WDR90: variants seen among roughly 807,000 people sequenced by gnomAD.
WDR90 encodes the protein WD repeat domain 90.
In WDR90, 238 loss-of-function variants were observed where a neutral mutation model predicts 195.2. That is an observed-to-expected ratio of 1.22 (90% CI 1.10 to 1.36). The LOEUF (loss-of-function observed/expected upper bound fraction) is 1.36, where lower values mean the gene tolerates loss of function less well. WDR90 is among the 40% of genes most tolerant of loss of function. The probability of loss-of-function intolerance (pLI) is 0.00; values close to 1 mark genes in which losing one functional copy is unlikely to be tolerated. For synonymous variants in WDR90, 1,265 were observed against 1,052.4 expected (o/e 1.20, Z -3.91); for missense variants, 2,734 against 2,439.5 (o/e 1.12, Z -2.54).
Position 649,374 on chromosome 16 carries a change from T to A in WDR90, c.-43T>A. On this transcript the variant is annotated 5_prime_UTR_variant, in exon 1 of 41. Transcript: ENST00000293879. ...TGGCGTCGCGGGGCGTACTCTGCGC[T>A]GGGCGCGCGGAGGCCTAGGCGGGAA... is the stretch of plus-strand genomic sequence containing the variant. The A allele has an allele frequency of 7.5e-7, 1 of 1,329,700 alleles. No homozygotes were observed. Among genetic ancestry groups the A allele is most frequent in the Non-Finnish European group, 9.6e-7 (1 of 1,041,978 alleles). The allele number at this position is 1,329,700 out of a possible 1,614,324, so 82.4% of individuals were successfully genotyped here.
intron 26 of WDR90, 68 bp downstream of exon 26, chr16:659,444 G>A: frequency 6.4e-7 from 1 of 1,550,962 alleles, no homozygotes; most frequent in Non-Finnish European, 8.7e-7. Context: ...CCCAGTGGCA[G>A]CAGGTACTCA....
At chr16:655,005 G>A (rs373358516) in intron 13 of WDR90, 24 bp from the exon 14 acceptor site, 48 of 1,607,892 alleles carry the variant, frequency 3.0e-5, no homozygotes, top group African/African-American at 1.9e-4. Context: ...CCTGCCGTGC[G>A]GGCTCAGCCT....
chr16:652,677 C>A (rs2072879), intron 10 of WDR90, 142 bp downstream of exon 10: 3 of 856,326 alleles, frequency 3.5e-6, no homozygotes, highest in Non-Finnish European at 4.8e-6. Context: ...CGGTCCCGTC[C>A]CCCTGCAGTC....
chr16:650,555 C>T lies in WDR90; in HGVS notation c.405C>T (p.Ala135=), dbSNP rs766415695. ...RTPQRDLVGL[A]PSGARWTCLQ... is the part of the protein sequence containing the mutation. ...ATCCTGCAGATCTGGTGGGTTTGGC[C>T]CCCTCCGGAGCCCGCTGGACCTGCC... Residue 135 remains alanine, a synonymous_variant, in exon 5 of 41, where the codon GCC becomes GCT. Coordinates refer to ENST00000293879, the MANE Select transcript of WDR90 (RefSeq NM_145294.5). 10 of 1,609,758 alleles carry T rather than the reference C, an allele frequency of 6.2e-6. No homozygotes were observed. The highest frequency in any genetic ancestry group is 1.3e-5 in the African/African-American group (1 of 74,780).
Position 667,557 on chromosome 16 carries a change from G to C in WDR90, c.5215G>C (p.Glu1739Gln), listed in dbSNP as rs185819489. The change falls in exon 41 of 41, where the codon GAG becomes CAG. Residue 1739 changes from glutamate to glutamine, a missense_variant. Glu to Gln is a conservative substitution (Grantham distance 29). Coordinates refer to ENST00000293879, the MANE Select transcript of WDR90 (RefSeq NM_145294.5). ...GCTGCTCTTCACGGCCGCCCGCAAC[G>C]AGATCCTTGTGTGGGAGGTCCCCGG... ...ARLLFTAARN[E>Q]ILVWEVPGL 15 of 1,610,812 alleles carry C rather than the reference G, an allele frequency of 9.3e-6. No individual in the cohort carries two copies. The highest frequency in any genetic ancestry group is 5.0e-5 in the Admixed American group (3 of 60,018).
Position 655,067 on chromosome 16 carries a change from T to G in WDR90, c.1476T>G (p.Gly492=). 1 of 1,612,720 alleles carries G rather than the reference T, an allele frequency of 6.2e-7. No individual in the cohort carries two copies. The highest frequency in any genetic ancestry group is 8.5e-7 in the Non-Finnish European group (1 of 1,179,848). ...GGGGCACCGGCCAGGTGGGCCTCGG[T>G]GGCGAGGTGGTCGTTCTGGCAAAGG... The part of the protein sequence containing the change: ...VAWGTGQVGL[G]GEVVVLAKAH... Residue 492 remains glycine, a synonymous_variant, in exon 14 of 41, where the codon GGT becomes GGG. Transcript: ENST00000293879.
intron 32 of WDR90, 53 bp from the exon 33 acceptor site, chr16:662,167 C>T: frequency 6.6e-7 from 1 of 1,521,212 alleles, no homozygotes; most frequent in African/African-American, 1.4e-5. Context: ...GCCTTGTGAC[C>T]CAGGGCCTCT....
chr16:665,983 T>C lies in WDR90; in HGVS notation c.4468T>C (p.Cys1490Arg). ...CLCLAWSPPC[C>R]GRPEQQRLAA... The stretch of plus-strand genomic sequence containing the variant: ...CTGCCTGGCATGGAGCCCCCCGTGC[T>C]GTGGCCGCCCTGAGCAGCAGCGGCT... The change falls in exon 36 of 41, where the codon TGT becomes CGT. Residue 1490 changes from cysteine to arginine, a missense_variant. Cys to Arg is a radical substitution (Grantham distance 180). Coordinates refer to ENST00000293879, the MANE Select transcript of WDR90 (RefSeq NM_145294.5). The C allele has an allele frequency of 6.2e-7, 1 of 1,602,146 alleles. No individual in the cohort carries two copies. Among genetic ancestry groups the C allele is most frequent in the Non-Finnish European group, 8.5e-7 (1 of 1,178,510 alleles).
In WDR90 at chr16:666,672, G is replaced by T. The variant is rs1367116048; in HGVS notation, c.4885-1G>T. 1 of 1,612,546 alleles carries T rather than the reference G, an allele frequency of 6.2e-7. No individual in the cohort carries two copies. The highest frequency in any genetic ancestry group is 8.5e-7 in the Non-Finnish European group (1 of 1,179,896). On this transcript the variant is annotated splice_acceptor_variant, in intron 38 of 40. Coordinates refer to ENST00000293879, the MANE Select transcript of WDR90 (RefSeq NM_145294.5). LOFTEE classifies it high-confidence loss of function. Reference sequence around the variant, plus strand: ...CACCGCAGCATGCTGCGCCTTTGCAGACTCAGGGCCACCTGCCACCCTCCC... The same window carrying T: ...CACCGCAGCATGCTGCGCCTTTGCATACTCAGGGCCACCTGCCACCCTCCC...
chr16:656,868 A>G lies in WDR90; in HGVS notation c.2339A>G (p.His780Arg), dbSNP rs2037767240. The change falls in exon 19 of 41, where the codon CAC (histidine) becomes CGC (arginine). Residue 780 changes from histidine to arginine, a missense_variant. Coordinates refer to ENST00000293879, the MANE Select transcript of WDR90 (RefSeq NM_145294.5). Reference sequence around the variant, plus strand: ...GAGGCCGCTGAGGTCCTGGTGGAACACACGTAAGTGCCCAGCTGGCCACCA... The same window carrying G: ...GAGGCCGCTGAGGTCCTGGTGGAACGCACGTAAGTGCCCAGCTGGCCACCA... ...SLEAAEVLVE[H>R]TCHRGAVTGL... The G allele has an allele frequency of 6.2e-7, 1 of 1,612,272 alleles. No homozygotes were observed. The highest frequency in any genetic ancestry group is 1.3e-5 in the African/African-American group (1 of 75,020).
chr16:660,746 C>G (rs1477772058), intron 28 of WDR90, 32 bp downstream of exon 28: 3 of 1,528,974 alleles, frequency 2.0e-6, no homozygotes, highest in African/African-American at 1.4e-5. Flanking sequence ...CCACCCCCAG[C>G]CAAGATGCGG....
chr16:651,514 G>T, intron 7 of WDR90, 130 bp from the exon 8 acceptor site: 1 of 1,052,788 alleles, frequency 9.5e-7, no homozygotes. Context: ...GTGGAAGTGG[G>T]GATACTGGCT....
At chr16:657,249 G>T (rs767320544) in intron 20 of WDR90, 28 bp downstream of exon 20, 1 of 1,524,978 alleles carries the variant, frequency 6.6e-7, no homozygotes, top group South Asian at 1.2e-5. Flanking sequence ...CACTCTGGGG[G>T]ACTCCTCAGG....
intron 34 of WDR90, among the ~76,000 whole-genome samples, chr16:664,431 A>G (rs1398531241): frequency 6.6e-6 from 1 of 152,108 alleles, no homozygotes. Context: ...CGGATAGATC[A>G]TGTGTGTGTC....
chr16:653,312 G>A, intron 10 of WDR90, 29 bp from the exon 11 acceptor site: 3 of 1,478,244 alleles, frequency 2.0e-6, no homozygotes, highest in Non-Finnish European at 2.7e-6. Context: ...CGTAGCACCG[G>A]TCCTCAGCCC....
rs1384275276 is a variant in WDR90 at position 649,396 on chromosome 16, G to A, written c.-21G>A. 7.6e-7 allele frequency: 1 copy of A among 1,321,392 alleles called. No individual in the cohort carries two copies. The highest frequency in any genetic ancestry group is 9.6e-7 in the Non-Finnish European group (1 of 1,038,268). The allele number at this position is 1,321,392 out of a possible 1,614,324, so 81.9% of individuals were successfully genotyped here. ...CGCTGGGCGCGCGGAGGCCTAGGCG[G>A]GAAGCTCGAGCGGCGGCGCCATGGC... On this transcript the variant is annotated 5_prime_UTR_variant, in exon 1 of 41. Transcript: ENST00000293879.
chr16:667,454 C>G lies in WDR90; in HGVS notation c.5112C>G (p.Asp1704Glu). 1 of 1,603,874 alleles carries G rather than the reference C, an allele frequency of 6.2e-7. No individual in the cohort carries two copies. The highest frequency in any genetic ancestry group is 1.3e-5 in the African/African-American group (1 of 74,920). ...CAGAGTGCATGCTGAGGCTGGTAGACTGTGCCATGGGGACTGCCCAAGACT... is the reference window on the plus strand; with the variant it reads ...CAGAGTGCATGCTGAGGCTGGTAGAGTGTGCCATGGGGACTGCCCAAGACT... Reference protein sequence around the residue: ...GFAECMLRLVDCAMGTAQDFA... With the variant: ...GFAECMLRLVECAMGTAQDFA... The change falls in exon 41 of 41, where the codon GAC (aspartate) becomes GAG (glutamate). Residue 1704 changes from aspartate to glutamate, a missense_variant. Physicochemically the swap from Asp to Glu is conservative, Grantham distance 45 (BLOSUM62 2). Transcript: ENST00000293879.
chr16:667,396 T>C (rs2151421057), intron 40 of WDR90, 36 bp from the exon 41 acceptor site: 1 of 1,567,754 alleles, frequency 6.4e-7, no homozygotes, highest in Non-Finnish European at 8.7e-7. Context: ...TGCTGCCTGG[T>C]CCTGGCCCTG....
At position 653,809 on chromosome 16, in the gene WDR90, A is replaced by G. The variant is rs781312832; in HGVS notation, c.1437+6A>G. On this transcript the variant is annotated splice_donor_region_variant and intron_variant, in intron 13 of 40. Coordinates refer to ENST00000293879, the MANE Select transcript of WDR90 (RefSeq NM_145294.5). ...AGGACCACCACGGGAGGACGGTAAC[A>G]GGGCCCTGGCTGCGGGTTGGGGTGG... 24 of 1,612,928 alleles carry G rather than the reference A, an allele frequency of 1.5e-5. No individual in the cohort carries two copies. In the African/African-American group the frequency reaches 2.1e-4, roughly 14 times the overall value.
Sources: gnomAD v4.1 joint callset for allele counts (sites outside exome capture counted in the v4.1 genomes callset) on GRCh38, gnomAD v4.1.1 for gene constraint, MANE v1.5 for transcripts, NCBI Gene and HGNC (gene_info 2026-07-23, HGNC 2026-07-21) for gene names.